The following TENM2 variants were observed in gnomAD, a reference collection of about 807,000 sequenced individuals.
TENM2 encodes teneurin transmembrane protein 2, also known as teneurin-2.
A neutral mutation model predicts 245.2 loss-of-function variants in TENM2; 52 were observed. The observed-to-expected ratio is 0.21, with a 90% confidence interval of 0.17 to 0.27. TENM2 has a LOEUF of 0.27. Ranked by LOEUF, TENM2 falls within the 10% of genes least tolerant of loss-of-function variation. The pLI is 1.00. For missense variants in TENM2, 3,046 were observed against 3,666.8 expected (o/e 0.83, Z 4.37); for synonymous variants, 1,363 against 1,438.9 (o/e 0.95, Z 1.19).
intron 2 of TENM2, among the ~76,000 whole-genome samples, chr5:167,668,215 A>C (rs1356044828): frequency 6.6e-6 from 1 of 152,132 alleles, no homozygotes; most frequent in African/African-American, 2.4e-5. Flanking sequence ...GTTCAAGGTC[A>C]CTGAAGAAAA....
intron 2 of TENM2, among the ~76,000 whole-genome samples, chr5:167,706,432 T>G (rs929635263): frequency 2.7e-5 from 4 of 150,280 alleles, no homozygotes; most frequent in African/African-American, 9.7e-5. Flanking sequence ...TGTACATATA[T>G]ATAAGAAAAT....
chr5:168,198,144 A>G (rs1028339076), intron 15 of TENM2, among the ~76,000 whole-genome samples: 1 of 151,942 alleles, frequency 6.6e-6, no homozygotes, highest in African/African-American at 2.4e-5. Flanking sequence ...GAAGCAGCCT[A>G]AAAGATACAT....
chr5:167,615,880 A>G (rs907112439), intron 2 of TENM2, among the ~76,000 whole-genome samples: 2 of 152,136 alleles, frequency 1.3e-5, no homozygotes, highest in Non-Finnish European at 2.9e-5. Context: ...TAGAAAAAAA[A>G]TCCACCTTTT....
intron 25 of TENM2, among the ~76,000 whole-genome samples, chr5:168,242,624 C>T (rs573028631): frequency 2.6e-5 from 4 of 152,212 alleles, no homozygotes; most frequent in South Asian, 2.1e-4. Context: ...TAACACAATG[C>T]CTGTATATAT....
At position 168,236,957 on chromosome 5, in the gene TENM2, T is replaced by C. The variant is rs1562318551; in HGVS notation, c.5521-7463T>C. 4.3e-3 allele frequency among the ~76,000 whole-genome samples: 15 copies of C among 3,506 alleles called. 1 individual carries two copies. The highest frequency in any genetic ancestry group is 0.016 in the Non-Finnish European group (13 of 826). 2.3% of individuals were successfully genotyped at this position (3,506 alleles called of 152,430 possible). ...TCCTAATCATATATATATATATATATATATATATATATATATATATATATA... is the reference window on the plus strand; with the variant it reads ...TCCTAATCATATATATATATATATACATATATATATATATATATATATATA... On this transcript the variant is annotated intron_variant, in intron 25 of 28. Transcript: ENST00000518659.
intron 1 of TENM2, among the ~76,000 whole-genome samples, chr5:167,364,312 A>G (rs1022946873): frequency 1.6e-4 from 25 of 152,170 alleles, no homozygotes; most frequent in African/African-American, 5.3e-4. Flanking sequence ...CTGTGAAAAG[A>G]TAGACAAAAA....
chr5:168,056,411 T>G (rs1379846711), intron 6 of TENM2, among the ~76,000 whole-genome samples: 1 of 152,256 alleles, frequency 6.6e-6, no homozygotes, highest in Non-Finnish European at 1.5e-5. Context: ...TTTGCTATCA[T>G]GAATATTTCT....
the TENM2 span, among the ~76,000 whole-genome samples, chr5:167,264,097 C>T: frequency 7.1e-6 from 1 of 140,260 alleles, no homozygotes; most frequent in African/African-American, 2.7e-5. Context: ...AATAACGAAA[C>T]TCTGTCTCAA....
At chr5:167,141,776 T>TA in the TENM2 span, among the ~76,000 whole-genome samples, 2 of 152,230 alleles carry the variant, frequency 1.3e-5, no homozygotes, top group South Asian at 4.1e-4. Flanking sequence ...TTTATATTTA[T>TA]ACTCTGAACA....
intron 2 of TENM2, among the ~76,000 whole-genome samples, chr5:167,704,505 C>A (rs548461437): frequency 3.5e-4 from 53 of 152,190 alleles, no homozygotes; most frequent in African/African-American, 1.3e-3. Context: ...TAATGTTTCA[C>A]CCTCCTGCAT....
the TENM2 span, among the ~76,000 whole-genome samples, chr5:167,034,247 T>C: frequency 6.6e-6 from 1 of 152,196 alleles, no homozygotes; most frequent in African/African-American, 2.4e-5. Flanking sequence ...GATGATAAAC[T>C]AATTCATTGT....
intron 7 of TENM2, among the ~76,000 whole-genome samples, chr5:168,086,952 C>T (rs937637976): frequency 3.3e-5 from 5 of 152,152 alleles, no homozygotes. Context: ...AGCAGAGGCT[C>T]CCCTACACCA....
intron 23 of TENM2, among the ~76,000 whole-genome samples, chr5:168,220,032 C>T (rs1354421963): frequency 6.6e-6 from 1 of 152,018 alleles, no homozygotes; most frequent in East Asian, 1.9e-4. Flanking sequence ...CTTCTTTGGG[C>T]AACTCTTTCT....
At chr5:167,929,132 AAGAAAGAAG>A (rs1219018577) in intron 3 of TENM2, among the ~76,000 whole-genome samples, 10 of 142,856 alleles carry the variant, frequency 7.0e-5, no homozygotes, top group South Asian at 2.4e-4. Context: ...AAAGAAAGAA[AAGAAAGAAG>A]GGAGGGAGGG....
chr5:167,440,593 A>G (rs1416907266), intron 2 of TENM2, among the ~76,000 whole-genome samples: 5 of 152,202 alleles, frequency 3.3e-5, no homozygotes, highest in Admixed American at 2.6e-4. Context: ...TTTCTATTCA[A>G]TATTGTGGTA....
the TENM2 span, among the ~76,000 whole-genome samples, chr5:167,052,452 C>T: frequency 6.6e-6 from 1 of 152,114 alleles, no homozygotes; most frequent in Non-Finnish European, 1.5e-5. Flanking sequence ...TGGAATTTAA[C>T]ATTGTTCCAC....
At chr5:167,236,834 G>A in the TENM2 span, among the ~76,000 whole-genome samples, 1 of 151,252 alleles carries the variant, frequency 6.6e-6, no homozygotes, top group Non-Finnish European at 1.5e-5. Context: ...CATACCACTG[G>A]CTGGCTGACC....
chr5:167,309,204 C>T lies in TENM2; in HGVS notation c.226+24141C>T, dbSNP rs1581711978. Among the ~76,000 whole-genome samples the T allele has an allele frequency of 3.9e-5, 6 of 152,182 alleles. No homozygotes were observed. In the South Asian group the frequency reaches 8.3e-4, roughly 21 times the overall value. ...AGGTAAGTTTGCTTTGAATATGATA[C>T]CAGAAAGAAGAATGGAAAGAACAAA... On this transcript the variant is annotated intron_variant, in intron 1 of 28. Coordinates refer to ENST00000518659, the Ensembl canonical transcript of TENM2.
chr5:167,076,356 A>G, the TENM2 span, among the ~76,000 whole-genome samples: 1 of 152,232 alleles, frequency 6.6e-6, no homozygotes, highest in African/African-American at 2.4e-5. Flanking sequence ...AAAGAGAAAG[A>G]CAGTAAAAAA....
Sources: allele counts gnomAD v4.1 joint callset (sites outside exome capture counted in the v4.1 genomes callset), GRCh38; gene constraint gnomAD v4.1.1; transcripts MANE v1.5; gene names NCBI Gene and HGNC (gene_info 2026-07-23, HGNC 2026-07-21).